The following NALCN variants were observed in gnomAD, a reference collection of about 807,000 sequenced individuals.
NALCN encodes the protein sodium leak channel, non-selective.
Under a neutral mutation model 225.3 loss-of-function variants are expected in NALCN, and 111 were observed. The ratio of observed to expected loss-of-function variants is 0.49; its 90% CI spans 0.42 to 0.58. The LOEUF (loss-of-function observed/expected upper bound fraction) is 0.58, where lower values mean the gene tolerates loss of function less well. NALCN is among the 20% of genes least tolerant of loss of function. The pLI is 0.00. For missense variants in NALCN, 1,378 were observed against 2,202.4 expected (o/e 0.63, Z 7.49); for synonymous variants, 764 against 769.0 (o/e 0.99, Z 0.11).
At chr13:101,215,981 C>A (rs2040715104) in intron 13 of NALCN, among the ~76,000 whole-genome samples, 1 of 152,136 alleles carries the variant, frequency 6.6e-6, no homozygotes, top group African/African-American at 2.4e-5. Context: ...GGAATGACAG[C>A]CCATCATATT....
intron 7 of NALCN, among the ~76,000 whole-genome samples, chr13:101,313,316 G>A (rs910343383): frequency 8.5e-5 from 13 of 152,096 alleles, no homozygotes; most frequent in African/African-American, 2.7e-4. Context: ...GGCAACAAAA[G>A]CCAAAATTGA....
chr13:101,180,767 A>G (rs1215304025), intron 14 of NALCN: 2 of 278,700 alleles, frequency 7.2e-6, no homozygotes, highest in African/African-American at 4.3e-5. Context: ...ATGTCAAAAC[A>G]CACCTGTGTG....
chr13:101,181,639 G>A (rs986454768), intron 14 of NALCN, among the ~76,000 whole-genome samples: 7 of 152,004 alleles, frequency 4.6e-5, no homozygotes, highest in African/African-American at 1.4e-4. Flanking sequence ...CTTGGGAGGA[G>A]GCTGAGGTGG....
At position 101,295,207 on chromosome 13, in the gene NALCN, T is replaced by C. The variant is rs570708338; in HGVS notation, c.800-2841A>G. On this transcript the variant is annotated intron_variant, in intron 7 of 43. Transcript: ENST00000251127. Reference sequence around the variant, plus strand: ...AGCAAACAGAAGCAACTGTTTTTATTGATGATTCATAGGTACTAACACTGG... The same window carrying C: ...AGCAAACAGAAGCAACTGTTTTTATCGATGATTCATAGGTACTAACACTGG... Among the ~76,000 whole-genome samples the C allele has an allele frequency of 2.0e-5, 3 of 152,340 alleles. No homozygotes were observed. The East Asian group carries it at 5.8e-4, about 29-fold the overall frequency.
chr13:101,345,459 A>G (rs1381467752), intron 6 of NALCN, 39 bp from the exon 7 acceptor site: 1 of 1,589,906 alleles, frequency 6.3e-7, no homozygotes, highest in African/African-American at 1.3e-5. Context: ...AATTTCAACA[A>G]TCATAAATGT....
At chr13:101,056,385 C>T (rs2031264509) in intron 43 of NALCN, among the ~76,000 whole-genome samples, 1 of 150,852 alleles carries the variant, frequency 6.6e-6, no homozygotes, top group Non-Finnish European at 1.5e-5. Flanking sequence ...CTCAGCCTCC[C>T]AAGCAGCTGG....
chr13:101,378,711 T>A, intron 3 of NALCN, 58 bp from the exon 4 acceptor site: 1 of 1,401,842 alleles, frequency 7.1e-7, no homozygotes, highest in South Asian at 1.3e-5. Context: ...AAGAACAATC[T>A]GTGGAGGAAA....
Position 101,272,589 on chromosome 13 carries a change from A to G in NALCN, c.1134+11344T>C, listed in dbSNP as rs1199261905. Among the ~76,000 whole-genome samples, 3 of 152,214 alleles carry G rather than the reference A, an allele frequency of 2.0e-5. No individual in the cohort carries two copies. The East Asian group carries it at 5.8e-4, about 29-fold the overall frequency. ...AGGAATATGAAGATGGAGTGGAGAG[A>G]ATGAGTCAAAAAATATCAAAATACT... On this transcript the variant is annotated intron_variant, in intron 10 of 43. Coordinates refer to ENST00000251127, the MANE Select transcript of NALCN (RefSeq NM_052867.4).
intron 7 of NALCN, among the ~76,000 whole-genome samples, chr13:101,326,546 G>A (rs1465411174): frequency 1.3e-5 from 2 of 152,104 alleles, no homozygotes; most frequent in East Asian, 1.9e-4. Flanking sequence ...TATAGTACAG[G>A]GCATTGATTT....
At chr13:101,196,771 C>G (rs1382836212) in intron 13 of NALCN, among the ~76,000 whole-genome samples, 1 of 152,092 alleles carries the variant, frequency 6.6e-6, no homozygotes, top group Admixed American at 6.6e-5. Flanking sequence ...TTCACTTCCC[C>G]AAATTCACTG....
intron 13 of NALCN, among the ~76,000 whole-genome samples, chr13:101,203,086 T>A (rs2040187419): frequency 6.6e-6 from 1 of 152,222 alleles, no homozygotes; most frequent in Non-Finnish European, 1.5e-5. Context: ...AAATAACATA[T>A]ATGTGAATAC....
At chr13:101,073,555 A>C in intron 37 of NALCN, 29 bp downstream of exon 37, 3 of 1,569,162 alleles carry the variant, frequency 1.9e-6, no homozygotes, top group Non-Finnish European at 1.7e-6. Context: ...TTCTAAGTCT[A>C]AGCCTTGTTC....
intron 11 of NALCN, among the ~76,000 whole-genome samples, chr13:101,252,945 A>G (rs1412200628): frequency 1.3e-5 from 2 of 152,144 alleles, no homozygotes; most frequent in African/African-American, 4.8e-5. Context: ...AAATTTTGTT[A>G]AATGTACAGT....
intron 7 of NALCN, among the ~76,000 whole-genome samples, chr13:101,298,122 T>A (rs1038186840): frequency 6.6e-6 from 1 of 152,198 alleles, no homozygotes; most frequent in African/African-American, 2.4e-5. Context: ...AATCCTAAAC[T>A]CCAAATAGAT....
chr13:101,206,747 C>T (rs11069432), intron 13 of NALCN, among the ~76,000 whole-genome samples: 28,709 of 140,144 alleles, frequency 0.2, 2,938 homozygotes, highest in East Asian at 0.37. Context: ...TATATATATA[C>T]ACATATAACA....
Position 101,291,983 on chromosome 13 carries a change from A to C in NALCN, c.1047+7T>G, listed in dbSNP as rs1566539326. 6.2e-7 allele frequency: 1 copy of C among 1,613,710 alleles called. No homozygotes were observed. Among genetic ancestry groups the C allele is most frequent in the Non-Finnish European group, 8.5e-7 (1 of 1,179,826 alleles). On this transcript the variant is annotated splice_region_variant and intron_variant, in intron 9 of 43. Transcript: ENST00000251127. ...TGGGTTATAACATCCTCTTGCTGATAGCGTACCTGGGTGGTGGCTGTTGAG... is the reference window on the plus strand; with the variant it reads ...TGGGTTATAACATCCTCTTGCTGATCGCGTACCTGGGTGGTGGCTGTTGAG...
intron 13 of NALCN, among the ~76,000 whole-genome samples, chr13:101,192,642 A>T (rs1028545748): frequency 6.6e-6 from 1 of 151,704 alleles, no homozygotes; most frequent in Non-Finnish European, 1.5e-5. Flanking sequence ...CAGGGTCAAG[A>T]TCATGGAAGA....
chr13:101,150,198 TG>T (rs1233928874), intron 15 of NALCN, among the ~76,000 whole-genome samples: 22 of 150,532 alleles, frequency 1.5e-4, no homozygotes, highest in Admixed American at 8.6e-4. Context: ...AACCAGCAGG[TG>T]GCACTGACGT....
intron 11 of NALCN, among the ~76,000 whole-genome samples, chr13:101,245,782 G>A (rs1339743308): frequency 6.6e-6 from 1 of 152,094 alleles, no homozygotes; most frequent in Non-Finnish European, 1.5e-5. Flanking sequence ...AAAGGACCAG[G>A]GGCTACTCCC....
Sources: gnomAD v4.1 joint callset for allele counts (sites outside exome capture counted in the v4.1 genomes callset) on GRCh38, gnomAD v4.1.1 for gene constraint, MANE v1.5 for transcripts, NCBI Gene and HGNC (gene_info 2026-07-23, HGNC 2026-07-21) for gene names.